RGS18: variants seen among roughly 807,000 people sequenced by gnomAD.
The protein encoded by RGS18 is regulator of G protein signaling 18, also known as regulator of G-protein signaling 18.
In RGS18, 22 loss-of-function variants were observed where a neutral mutation model predicts 27.6. The observed-to-expected ratio is 0.80, with a 90% CI of 0.57 to 1.14. The LOEUF (loss-of-function observed/expected upper bound fraction) is 1.14, where lower values mean the gene tolerates loss of function less well. Ranked by LOEUF, RGS18 falls within the 50% of genes most tolerant of loss-of-function variation. The pLI is 0.00. For synonymous variants in RGS18, 89 were observed against 84.6 expected (o/e 1.05, Z -0.29); for missense variants, 299 against 269.6 (o/e 1.11, Z -0.76).
intron 3 of RGS18, chr1:192,163,677 T>C (rs2102151362): frequency 6.6e-6 from 1 of 152,118 alleles, no homozygotes; most frequent in Admixed American, 6.5e-5. Flanking sequence ...ATTCACAGAA[T>C]TTATATTACC....
At chr1:192,168,002 A>G (rs1343286718) in intron 3 of RGS18, 2 of 152,200 alleles carry the variant, frequency 1.3e-5, no homozygotes, top group East Asian at 1.9e-4. Context: ...CAATTTAGAA[A>G]CATGCAATTA....
chr1:192,160,664 G>C, intron 3 of RGS18: 2 of 460,184 alleles, frequency 4.3e-6, no homozygotes. Context: ...TGAAATATTA[G>C]TTATTTATAC....
At chr1:192,175,900 A>T (rs146099300) in intron 3 of RGS18, among the ~76,000 whole-genome samples, 11 of 152,034 alleles carry the variant, frequency 7.2e-5, no homozygotes, top group Non-Finnish European at 1.5e-4. Flanking sequence ...ACTTGCAAAT[A>T]GGCACCAAGG....
At chr1:192,184,183 T>A (rs1320184796) in intron 4 of RGS18, 114 bp from the exon 5 acceptor site, 5 of 909,786 alleles carry the variant, frequency 5.5e-6, no homozygotes, top group Non-Finnish European at 8.3e-6. Context: ...CCAAACTATA[T>A]CTGCTTCTAA....
chr1:192,168,633 T>C (rs1656202605), intron 3 of RGS18: 1 of 152,228 alleles, frequency 6.6e-6, no homozygotes. Context: ...TTGAATTTTA[T>C]GCAAGTTGAT....
intron 3 of RGS18, among the ~76,000 whole-genome samples, chr1:192,178,412 A>G (rs970461827): frequency 1.3e-5 from 2 of 151,568 alleles, no homozygotes; most frequent in African/African-American, 4.8e-5. Flanking sequence ...TGTTGAAGTA[A>G]TTTTTCAGGA....
rs992145983 is a variant in RGS18, at chr1:192,184,197, C to A, written c.451-100C>A. 79 of 1,078,354 alleles carry A rather than the reference C, an allele frequency of 7.3e-5. 1 individual carries two copies. The African/African-American group carries it at 1.1e-3, about 15-fold the overall frequency. The allele number at this position is 1,078,354 out of a possible 1,614,324, so 66.8% of individuals were successfully genotyped here. A position where few individuals can be genotyped will look rare whatever the true frequency, so the allele number is the denominator to read the frequency against. On this transcript the variant is annotated intron_variant, in intron 4 of 4. Transcript: ENST00000367460. Reference sequence around the variant, plus strand: ...TCCAAACTATATCTGCTTCTAAGCCCAAGATGCCCACTCCAACATTGCATC... The same window carrying A: ...TCCAAACTATATCTGCTTCTAAGCCAAAGATGCCCACTCCAACATTGCATC...
intron 3 of RGS18, 109 bp from the exon 4 acceptor site, chr1:192,181,183 G>A (rs2102160844): frequency 3.4e-6 from 2 of 595,058 alleles, no homozygotes; most frequent in Non-Finnish European, 5.7e-6. Context: ...TGCATTAGAG[G>A]GAAGATGTAG....
At chr1:192,166,304 A>T (rs1656161881) in intron 3 of RGS18, among the ~76,000 whole-genome samples, 1 of 152,160 alleles carries the variant, frequency 6.6e-6, no homozygotes, top group African/African-American at 2.4e-5. Flanking sequence ...AAATAGATGT[A>T]TGCAATAATT....
At chr1:192,170,496 A>T (rs1446555847) in intron 3 of RGS18, among the ~76,000 whole-genome samples, 3 of 152,096 alleles carry the variant, frequency 2.0e-5, no homozygotes, top group Admixed American at 2.0e-4. Flanking sequence ...CCTCATCAGA[A>T]GCAGAGCTGA....
At chr1:192,177,229 TG>T (rs1262321964) in intron 3 of RGS18, among the ~76,000 whole-genome samples, 1 of 151,732 alleles carries the variant, frequency 6.6e-6, no homozygotes, top group Non-Finnish European at 1.5e-5. Flanking sequence ...TACATATTTT[TG>T]TCCATATTCA....
At position 192,184,488 on chromosome 1, in the gene RGS18, A is replaced by T; in HGVS notation, c.642A>T (p.Arg214Ser). 1 of 1,611,594 alleles carries T rather than the reference A, an allele frequency of 6.2e-7. No individual in the cohort carries two copies. The highest frequency in any genetic ancestry group is 8.5e-7 in the Non-Finnish European group (1 of 1,178,374). Residue 214 changes from arginine (R) to serine (S), a missense_variant, in exon 5 of 5, where the codon AGA becomes AGT. Arg to Ser is a moderately radical substitution (Grantham distance 110). Transcript: ENST00000367460. ...GRPQRPTNLR[R>S]RSRSFTCNEF... Reference sequence around the variant, plus strand: ...CTCAGAGACCAACAAATCTTAGGAGACGATCACGCTCATTTACCTGCAATG... The same window carrying T: ...CTCAGAGACCAACAAATCTTAGGAGTCGATCACGCTCATTTACCTGCAATG...
At chr1:192,161,483 G>A (rs1227171407) in intron 3 of RGS18, 4 of 152,136 alleles carry the variant, frequency 2.6e-5, no homozygotes, top group African/African-American at 9.7e-5. Flanking sequence ...AGGTGATGCA[G>A]CTAGGTAATC....
rs1203385237 is a variant in RGS18, at chr1:192,182,288, A to C, written c.450+830A>C. Among the ~76,000 whole-genome samples the C allele has an allele frequency of 4.6e-5, 7 of 151,548 alleles. No individual in the cohort carries two copies. The East Asian group carries it at 1.2e-3, about 25-fold the overall frequency. On this transcript the variant is annotated intron_variant, in intron 4 of 4. Transcript: ENST00000367460. ...TTATACTATTTTCTATAATGGCTGC[A>C]CTACCTTACATGCCCACCAACAATG...
At chr1:192,170,376 C>T (rs1656234480) in intron 3 of RGS18, among the ~76,000 whole-genome samples, 1 of 152,062 alleles carries the variant, frequency 6.6e-6, no homozygotes, top group South Asian at 2.1e-4. Context: ...AGTTAACATG[C>T]AAGCTGAATG....
chr1:192,173,312 T>C (rs1656295865), intron 3 of RGS18, among the ~76,000 whole-genome samples: 1 of 151,998 alleles, frequency 6.6e-6, no homozygotes. Flanking sequence ...AGCTGGATTT[T>C]AAAACATATA....
At chr1:192,162,232 G>A (rs1443873975) in intron 3 of RGS18, among the ~76,000 whole-genome samples, 1 of 152,068 alleles carries the variant, frequency 6.6e-6, no homozygotes, top group African/African-American at 2.4e-5. Flanking sequence ...TTCATTTCCA[G>A]TATACGACAA....
chr1:192,165,661 G>A (rs1382264770), intron 3 of RGS18, among the ~76,000 whole-genome samples: 2 of 152,096 alleles, frequency 1.3e-5, no homozygotes, highest in Non-Finnish European at 2.9e-5. Flanking sequence ...ATTGGGGTCT[G>A]GTTCCCCTGA....
intron 4 of RGS18, among the ~76,000 whole-genome samples, chr1:192,182,143 C>A (rs1167317499): frequency 1.3e-5 from 2 of 151,598 alleles, no homozygotes; most frequent in African/African-American, 2.4e-5. Context: ...AATAATGCTG[C>A]AATAAACATG....
Sources: allele counts gnomAD v4.1 joint callset (sites outside exome capture counted in the v4.1 genomes callset), GRCh38; gene constraint gnomAD v4.1.1; transcripts MANE v1.5; gene names NCBI Gene and HGNC (gene_info 2026-07-23, HGNC 2026-07-21).